Variants in GALNT13 observed in about 807,000 individuals in gnomAD.
The protein encoded by GALNT13 is UDP-GalNAc:polypeptide N-acetylgalactosaminyltransferase 13.
In GALNT13, 28 loss-of-function variants were observed where a neutral mutation model predicts 64.2. The observed-to-expected ratio is 0.44, with a 90% CI of 0.32 to 0.60. GALNT13 has a LOEUF of 0.60. Ranked by LOEUF, GALNT13 falls within the 20% of genes least tolerant of loss-of-function variation. The probability of loss-of-function intolerance (pLI) is 0.05; values close to 1 mark genes in which losing one functional copy is unlikely to be tolerated. For missense variants in GALNT13, 577 were observed against 669.8 expected (o/e 0.86, Z 1.53); for synonymous variants, 214 against 224.6 (o/e 0.95, Z 0.42).
chr2:153,887,599 A>G (rs969325277), intron 1 of GALNT13, among the ~76,000 whole-genome samples: 2 of 151,918 alleles, frequency 1.3e-5, no homozygotes, highest in African/African-American at 4.8e-5. Flanking sequence ...TATTATACAC[A>G]TTATACACAA....
the GALNT13 span, among the ~76,000 whole-genome samples, chr2:153,154,452 T>A: frequency 6.6e-6 from 1 of 152,088 alleles, no homozygotes; most frequent in Non-Finnish European, 1.5e-5. Flanking sequence ...TAAGAAAATG[T>A]ACGAATACAC....
At chr2:154,411,416 T>A (rs937294941) in intron 11 of GALNT13, among the ~76,000 whole-genome samples, 12 of 151,624 alleles carry the variant, frequency 7.9e-5, no homozygotes, top group African/African-American at 2.4e-4. Context: ...ATTCAGTATT[T>A]ACCAAGAGGG....
chr2:153,301,312 A>AAAAAAAAAAAAAAAG, the GALNT13 span, among the ~76,000 whole-genome samples: 4 of 103,004 alleles, frequency 3.9e-5, 1 homozygote, highest in African/African-American at 8.9e-5. Flanking sequence ...TCCTTCTCAA[A>AAAAAAAAAAAAAAAG]AAAAAAGAAA....
chr2:153,594,935 C>T, the GALNT13 span, among the ~76,000 whole-genome samples: 10 of 152,082 alleles, frequency 6.6e-5, no homozygotes, highest in Middle Eastern at 3.4e-3. Flanking sequence ...TTTCAGCCAA[C>T]CAATAAGCAG....
intron 3 of GALNT13, among the ~76,000 whole-genome samples, chr2:154,053,298 G>T (rs1342907519): frequency 6.6e-6 from 1 of 152,114 alleles, no homozygotes; most frequent in Non-Finnish European, 1.5e-5. Flanking sequence ...GTATGCAAAA[G>T]AATTTAATAT....
chr2:153,621,242 T>G, the GALNT13 span, among the ~76,000 whole-genome samples: 2 of 152,174 alleles, frequency 1.3e-5, no homozygotes, highest in Non-Finnish European at 2.9e-5. Flanking sequence ...TTTAAGTGTA[T>G]TCCAATGATG....
the GALNT13 span, among the ~76,000 whole-genome samples, chr2:153,439,787 C>T: frequency 6.6e-6 from 1 of 152,110 alleles, no homozygotes; most frequent in East Asian, 1.9e-4. Context: ...GATGCCTTTC[C>T]CTGCTTCGGC....
chr2:153,201,210 C>T, the GALNT13 span, among the ~76,000 whole-genome samples: 1 of 152,136 alleles, frequency 6.6e-6, no homozygotes. Context: ...TCTGTGCTAG[C>T]CCTGTAGATG....
the GALNT13 span, among the ~76,000 whole-genome samples, chr2:153,261,953 G>T: frequency 1.3e-5 from 2 of 152,078 alleles, no homozygotes; most frequent in Non-Finnish European, 2.9e-5. Context: ...TCTTACATCA[G>T]GGGACTTGGC....
At chr2:153,550,432 C>T in the GALNT13 span, among the ~76,000 whole-genome samples, 4 of 151,808 alleles carry the variant, frequency 2.6e-5, no homozygotes, top group African/African-American at 9.7e-5. Flanking sequence ...GAGGTTTTGC[C>T]ATGTTGGCCA....
At chr2:153,485,777 A>G in the GALNT13 span, among the ~76,000 whole-genome samples, 5 of 152,070 alleles carry the variant, frequency 3.3e-5, no homozygotes, top group African/African-American at 1.2e-4. Context: ...GTGCATGCCT[A>G]TAGTCCCAGC....
At chr2:154,028,466 C>A (rs1273229510) in intron 3 of GALNT13, among the ~76,000 whole-genome samples, 1 of 152,008 alleles carries the variant, frequency 6.6e-6, no homozygotes, top group Non-Finnish European at 1.5e-5. Flanking sequence ...TTGTGCCATC[C>A]TCTTCTTTCT....
the GALNT13 span, among the ~76,000 whole-genome samples, chr2:153,208,344 G>T: frequency 3.3e-5 from 5 of 151,962 alleles, no homozygotes; most frequent in Non-Finnish European, 7.4e-5. Context: ...TCTGATCTTT[G>T]TACGTATAGT....
At chr2:153,663,682 T>C in the GALNT13 span, among the ~76,000 whole-genome samples, 1 of 152,186 alleles carries the variant, frequency 6.6e-6, no homozygotes, top group Non-Finnish European at 1.5e-5. Flanking sequence ...ATAAAGTCCA[T>C]GGCAGTAGCT....
At chr2:153,426,302 A>C in the GALNT13 span, among the ~76,000 whole-genome samples, 2 of 151,808 alleles carry the variant, frequency 1.3e-5, no homozygotes, top group Non-Finnish European at 2.9e-5. Flanking sequence ...TCTAAAGAAC[A>C]AGACCATAGG....
intron 4 of GALNT13, among the ~76,000 whole-genome samples, chr2:154,171,432 A>G (rs1685343517): frequency 6.6e-6 from 1 of 152,178 alleles, no homozygotes; most frequent in African/African-American, 2.4e-5. Context: ...ATGGTTTCAT[A>G]TATTACACCT....
chr2:153,147,535 A>G, the GALNT13 span, among the ~76,000 whole-genome samples: 1 of 140,348 alleles, frequency 7.1e-6, no homozygotes, highest in East Asian at 2.0e-4. Context: ...TTCAGGAAGC[A>G]TTAGACTTTT....
chr2:153,379,874 C>T, the GALNT13 span, among the ~76,000 whole-genome samples: 1 of 151,832 alleles, frequency 6.6e-6, no homozygotes, highest in Non-Finnish European at 1.5e-5. Context: ...TCTTATGATC[C>T]AATGGGATAG....
intron 3 of GALNT13, among the ~76,000 whole-genome samples, chr2:154,137,110 C>A (rs969343558): frequency 2.0e-5 from 3 of 151,704 alleles, no homozygotes; most frequent in South Asian, 4.2e-4. Context: ...TCACAACACC[C>A]AACTGCTTAT....
Sources: allele counts gnomAD v4.1 joint callset (sites outside exome capture counted in the v4.1 genomes callset), GRCh38; gene constraint gnomAD v4.1.1; transcripts MANE v1.5; gene names NCBI Gene and HGNC (gene_info 2026-07-23, HGNC 2026-07-21).